Variants in KIF13A observed in about 807,000 individuals in gnomAD.
KIF13A encodes kinesin family member 13A.
Under a neutral mutation model 212.2 loss-of-function variants are expected in KIF13A, and 79 were observed. That is an observed-to-expected ratio of 0.37 (90% CI 0.31 to 0.45). The LOEUF (loss-of-function observed/expected upper bound fraction) is 0.45. KIF13A is among the 20% of genes least tolerant of loss of function. The probability of loss-of-function intolerance (pLI) is 1.00; values close to 1 mark genes in which losing one functional copy is unlikely to be tolerated. For missense variants in KIF13A, 1,901 were observed against 2,209.0 expected (o/e 0.86, Z 2.79); for synonymous variants, 789 against 808.6 (o/e 0.98, Z 0.41).
chr6:17,810,141 C>G (rs1763309754), intron 17 of KIF13A, among the ~76,000 whole-genome samples: 1 of 152,204 alleles, frequency 6.6e-6, no homozygotes. Context: ...AGTCTCTTCT[C>G]TTTTCTACAA....
chr6:17,924,108 A>C (rs1056825116), intron 2 of KIF13A, among the ~76,000 whole-genome samples: 4 of 152,176 alleles, frequency 2.6e-5, no homozygotes, highest in Non-Finnish European at 5.9e-5. Context: ...TTAAAACTTT[A>C]AAAAAATTAT....
Position 17,778,864 on chromosome 6 carries a change from G to A in KIF13A, c.4092+83C>T, listed in dbSNP as rs1480883835. On this transcript the variant is annotated intron_variant, in intron 33 of 38. Transcript: ENST00000259711. ...CTCCTTCTCTGATAGATTTAGTGAGGTGTTTGGTAAGTAAATTCATATCTG... is the reference window on the plus strand; with the variant it reads ...CTCCTTCTCTGATAGATTTAGTGAGATGTTTGGTAAGTAAATTCATATCTG... 5.5e-6 allele frequency: 8 copies of A among 1,449,216 alleles called. No homozygotes were observed. The Admixed American group carries it at 5.9e-5, about 11-fold the overall frequency. 89.8% of individuals were successfully genotyped at this position (1,449,216 alleles called of 1,614,324 possible). A position where few individuals can be genotyped will look rare whatever the true frequency, so the allele number is the denominator to read the frequency against.
rs944706477 is a variant in KIF13A at position 17,826,834 on chromosome 6, C to G, written c.1533-710G>C. Reference sequence around the variant, plus strand: ...TGATATTGAAACTATATTTAAGAATCTTCATCTTTTAGAGAGACATAGTGA... The same window carrying G: ...TGATATTGAAACTATATTTAAGAATGTTCATCTTTTAGAGAGACATAGTGA... On this transcript the variant is annotated intron_variant, in intron 14 of 38. Transcript: ENST00000259711. The surrounding 1 kb of genome is among the most constrained non-coding windows in gnomAD (Gnocchi z 4.7). Among the ~76,000 whole-genome samples the G allele has an allele frequency of 2.0e-5, 3 of 151,980 alleles. No individual in the cohort carries two copies. The highest frequency in any genetic ancestry group is 2.0e-4 in the Admixed American group (3 of 15,256).
intron 2 of KIF13A, among the ~76,000 whole-genome samples, chr6:17,933,757 T>C (rs1776211555): frequency 6.6e-6 from 1 of 152,132 alleles, no homozygotes; most frequent in Non-Finnish European, 1.5e-5. Context: ...GCAGAAGCAA[T>C]AGTGTGTTTC....
intron 14 of KIF13A, among the ~76,000 whole-genome samples, chr6:17,827,081 AT>A (rs139666935): frequency 0.19 from 27,929 of 150,840 alleles, 2,728 homozygotes; most frequent in South Asian, 0.3. Context: ...TAAAAAAAAA[AT>A]AAATAAATAA....
intron 2 of KIF13A, among the ~76,000 whole-genome samples, chr6:17,944,890 T>A (rs1194907350): frequency 6.6e-6 from 1 of 152,162 alleles, no homozygotes; most frequent in Non-Finnish European, 1.5e-5. Context: ...TCAGAATTAA[T>A]GAGAATTTAA....
At chr6:17,841,948 TAC>T (rs56160237) in intron 9 of KIF13A, among the ~76,000 whole-genome samples, 75 of 150,876 alleles carry the variant, frequency 5.0e-4, no homozygotes, top group Non-Finnish European at 7.2e-4. Flanking sequence ...TGTGTCTACA[TAC>T]ACACACACAC....
At chr6:17,782,473 T>C (rs1760686723) in intron 29 of KIF13A, among the ~76,000 whole-genome samples, 1 of 151,626 alleles carries the variant, frequency 6.6e-6, no homozygotes, top group African/African-American at 2.4e-5. Context: ...CCGTCTCTAT[T>C]AAAAATACAA....
chr6:17,775,502 T>C (rs550343733), intron 34 of KIF13A, among the ~76,000 whole-genome samples: 9 of 152,262 alleles, frequency 5.9e-5, no homozygotes, highest in African/African-American at 1.9e-4. Context: ...ATACAGGTTT[T>C]AGAATCAGCT....
Position 17,947,334 on chromosome 6 carries a change from G to A in KIF13A, c.146+39720C>T, listed in dbSNP as rs1777491198. Among the ~76,000 whole-genome samples the A allele has an allele frequency of 2.0e-5, 3 of 151,930 alleles. No homozygotes were observed. Among genetic ancestry groups the A allele is most frequent in the Admixed American group, 1.3e-4 (2 of 15,240 alleles). ...AGTTATATACTTCTTTATTATACAT[G>A]CAATGAATTTTTTAAATAAAGCAAA... On this transcript the variant is annotated intron_variant, in intron 2 of 38. Coordinates refer to ENST00000259711, the MANE Select transcript of KIF13A (RefSeq NM_022113.6). The surrounding 1 kb of genome is among the most constrained non-coding windows in gnomAD (Gnocchi z 4.6).
intron 2 of KIF13A, chr6:17,950,911 A>G: frequency 1.0e-6 from 1 of 982,752 alleles, no homozygotes. Context: ...GTATCCACCC[A>G]CCCAGAGAAA....
intron 2 of KIF13A, among the ~76,000 whole-genome samples, chr6:17,962,550 T>C (rs1397582441): frequency 6.6e-6 from 1 of 151,616 alleles, no homozygotes; most frequent in Non-Finnish European, 1.5e-5. Context: ...AGGCTCCACT[T>C]GAAAGAGGGT....
At chr6:17,880,398 G>A (rs924410504) in intron 3 of KIF13A, among the ~76,000 whole-genome samples, 4 of 151,968 alleles carry the variant, frequency 2.6e-5, no homozygotes, top group Admixed American at 6.6e-5. Flanking sequence ...AGGCCAAGGC[G>A]GGCGGATCAC....
Position 17,763,869 on chromosome 6 carries a change from C to A in KIF13A, c.*241G>T. 7.3e-7 allele frequency: 1 copy of A among 1,363,102 alleles called. No homozygotes were observed. The highest frequency in any genetic ancestry group is 9.4e-7 in the Non-Finnish European group (1 of 1,059,576). 84.4% of individuals were successfully genotyped at this position (1,363,102 alleles called of 1,614,324 possible). The stretch of plus-strand genomic sequence containing the variant: ...GAATGAATATGAGATTGATCCTTAT[C>A]CATCTGAACACTTCATTCAACACCA... On this transcript the variant is annotated 3_prime_UTR_variant, in exon 39 of 39. Transcript: ENST00000259711.
chr6:17,932,960 C>G (rs1447740706), intron 2 of KIF13A, among the ~76,000 whole-genome samples: 2 of 152,050 alleles, frequency 1.3e-5, no homozygotes, highest in South Asian at 2.1e-4. Flanking sequence ...AAAAGTCAAG[C>G]TTTTCATTTG....
chr6:17,969,953 C>T (rs1264898370), intron 2 of KIF13A, among the ~76,000 whole-genome samples: 6 of 150,648 alleles, frequency 4.0e-5, no homozygotes, highest in African/African-American at 1.2e-4. Flanking sequence ...GACGGAGTCT[C>T]GCTCTTTCAC....
rs1762347904 is a variant in KIF13A, at chr6:17,799,994, G to A, written c.2574C>T (p.Ser858=). The A allele has an allele frequency of 6.2e-7, 1 of 1,613,924 alleles. No individual in the cohort carries two copies. Among genetic ancestry groups the A allele is most frequent in the Non-Finnish European group, 8.5e-7 (1 of 1,179,874 alleles). The stretch of plus-strand genomic sequence containing the variant: ...TGACTCGGTGAATGATTTCCCCGCT[G>A]CTGTCTACGACTTCAAGGCTCCCAC... ...SESGSLEVVD[S]SGEIIHRVKK... The change falls in exon 21 of 39, where the codon AGC becomes AGT. Residue 858 remains serine, a synonymous_variant. Coordinates refer to ENST00000259711, the MANE Select transcript of KIF13A (RefSeq NM_022113.6). The surrounding 1 kb of genome is among the most constrained non-coding windows in gnomAD (Gnocchi z 4.4).
rs1292402172 is a variant in KIF13A at position 17,987,236 on chromosome 6, T to TG, written c.56-93dup. The TG allele has an allele frequency of 8.8e-7, 1 of 1,134,184 alleles. No homozygotes were observed. The highest frequency in any genetic ancestry group is 1.2e-6 in the Non-Finnish European group (1 of 830,928). 70.3% of individuals were successfully genotyped at this position (1,134,184 alleles called of 1,614,324 possible). ...GCCGCGCCGAGCGGGGCTCCGTCCCTGGAGGCGGCCGAGCCTGGAGACGGC... is the reference window on the plus strand; with the variant it reads ...GCCGCGCCGAGCGGGGCTCCGTCCCTGGGAGGCGGCCGAGCCTGGAGACGGC... On this transcript the variant is annotated intron_variant, in intron 1 of 38. Transcript: ENST00000259711. This position sits in a 1 kb window ranked among gnomAD's most constrained non-coding sequence, Gnocchi z 7.7.
Position 17,780,759 on chromosome 6 carries a change from G to A in KIF13A, c.3817C>T (p.Arg1273Ter), listed in dbSNP as rs757826120. Reference protein sequence around the residue: ...PAAMELVLRKRIAANIYNKQS... With the variant: ...PAAMELVLRK ...TTGTTGTAAATATTGGCTGCAATTC[G>A]TTTTCGTAATACTAACTCCATAGCA... The change falls in exon 31 of 39, where the codon CGA (arginine) becomes TGA (stop). Residue 1273 changes from arginine to a stop codon, truncating the protein, a stop_gained. Transcript: ENST00000259711. LOFTEE classifies it high-confidence loss of function. The A allele has an allele frequency of 3.1e-6, 5 of 1,613,998 alleles. No homozygotes were observed. The East Asian group carries it at 6.7e-5, about 22-fold the overall frequency.
Sources: gnomAD v4.1 joint callset for allele counts (sites outside exome capture counted in the v4.1 genomes callset) on GRCh38, gnomAD v4.1.1 for gene constraint, Gnocchi (gnomAD v3.1) non-coding constraint, MANE v1.5 for transcripts, NCBI Gene and HGNC (gene_info 2026-07-23, HGNC 2026-07-21) for gene names.